Variants in COG7 observed in about 807,000 individuals in gnomAD.
COG7 encodes the protein component of oligomeric golgi complex 7.
A neutral mutation model predicts 91.5 loss-of-function variants in COG7; 49 were observed. That is an observed-to-expected ratio of 0.54 (90% confidence interval 0.43 to 0.68). COG7 has a LOEUF of 0.68. Among genes scored for constraint, COG7 ranks in the 30% least tolerant of loss-of-function variants. The pLI is 0.00. For synonymous variants in COG7, 365 were observed against 388.7 expected, an observed-to-expected ratio of 0.94 and a Z score of 0.72; for missense variants, 895 against 961.3, an observed-to-expected ratio of 0.93 and a Z score of 0.91.
chr16:23,451,747 G>T (rs909990995), intron 1 of COG7, among the ~76,000 whole-genome samples: 1 of 146,796 alleles, frequency 6.8e-6, no homozygotes, highest in Non-Finnish European at 1.5e-5. Context: ...AAAAAAAAAG[G>T]TTTAAGTCTC....
At chr16:23,408,466 G>A (rs1336232090) in intron 11 of COG7, among the ~76,000 whole-genome samples, 4 of 144,548 alleles carry the variant, frequency 2.8e-5, no homozygotes, top group Non-Finnish European at 4.6e-5. Context: ...GGGAGGTGGG[G>A]CAGGAGGTAG....
At chr16:23,445,759 CT>C in intron 2 of COG7, 53 bp downstream of exon 2, 1 of 1,591,142 alleles carries the variant, frequency 6.3e-7, no homozygotes, top group Non-Finnish European at 8.6e-7. Flanking sequence ...GAGTGACCAC[CT>C]TCCCAAAGCA....
At chr16:23,398,219 T>G in intron 13 of COG7, 90 bp from the exon 14 acceptor site, 17 of 990,828 alleles carry the variant, frequency 1.7e-5, no homozygotes, top group Non-Finnish European at 2.6e-5. Flanking sequence ...GAACATGGCC[T>G]TCCCTGGAGG....
At chr16:23,434,590 T>G in intron 5 of COG7, 46 bp downstream of exon 5, 3 of 1,349,378 alleles carry the variant, frequency 2.2e-6, no homozygotes, top group African/African-American at 1.4e-5. Flanking sequence ...CCCAGAGTTA[T>G]GAGCATTCCA....
intron 13 of COG7, among the ~76,000 whole-genome samples, chr16:23,401,080 T>G (rs1395967027): frequency 6.6e-6 from 1 of 152,164 alleles, no homozygotes. Flanking sequence ...GTCCTTCAAA[T>G]GGGCTTTTCT....
intron 1 of COG7, 49 bp downstream of exon 1, chr16:23,452,777 C>CAGCCG: frequency 6.4e-7 from 1 of 1,573,836 alleles, no homozygotes; most frequent in South Asian, 1.1e-5. Context: ...GACCTCTGCC[C>CAGCCG]AGCCGAGAGC....
At chr16:23,392,862 C>T (rs1310145513) in intron 15 of COG7, among the ~76,000 whole-genome samples, 1 of 152,046 alleles carries the variant, frequency 6.6e-6, no homozygotes, top group Non-Finnish European at 1.5e-5. Context: ...ACCCAGGAGG[C>T]GGAGGTTGTG....
rs1390805417 is a variant in COG7, at chr16:23,417,105, A to G, written c.1154T>C (p.Ile385Thr). 4 of 1,614,110 alleles carry G rather than the reference A, an allele frequency of 2.5e-6. No homozygotes were observed. The highest frequency in any genetic ancestry group is 2.2e-5 in the East Asian group (1 of 44,892). Residue 385 changes from isoleucine to threonine, a missense_variant, in exon 9 of 17, where the codon ATT (isoleucine) becomes ACT (threonine). By Grantham distance (89) the Ile-to-Thr change is moderately conservative. Coordinates refer to ENST00000307149, the MANE Select transcript of COG7 (RefSeq NM_153603.4). ...SAVPLEHGEVIDCVQELSHSV... is the reference protein window; with the variant it reads ...SAVPLEHGEVTDCVQELSHSV... ...GTGGCTCAGCTCCTGCACACAGTCA[A>G]TCACTTCCCCATGCTCCTGGTCAGC...
At chr16:23,395,808 TC>T (rs1165594054) in intron 14 of COG7, among the ~76,000 whole-genome samples, 1 of 152,224 alleles carries the variant, frequency 6.6e-6, no homozygotes, top group African/African-American at 2.4e-5. Flanking sequence ...TTGGGTTAAC[TC>T]ACTGACTTGG....
chr16:23,445,070 A>C lies in COG7; in HGVS notation c.413T>G (p.Ile138Ser), dbSNP rs750419091. The C allele has an allele frequency of 5.6e-6, 9 of 1,613,790 alleles. No individual in the cohort carries two copies. The South Asian group carries it at 9.9e-5, about 18-fold the overall frequency. The change falls in exon 3 of 17, where the codon ATT becomes AGT. Residue 138 changes from isoleucine to serine, a missense_variant. Coordinates refer to ENST00000307149, the MANE Select transcript of COG7 (RefSeq NM_153603.4). ...TACCTGAGTCTTAAATGTCTCCTCA[A>C]TATCGGCGCTCAACGTGCTCCACTT... Reference protein sequence around the residue: ...ADKWSTLSADIEETFKTQDIA... With the variant: ...ADKWSTLSADSEETFKTQDIA...
intron 6 of COG7, among the ~76,000 whole-genome samples, chr16:23,426,818 C>CAAAAAAAAAAAAAAAAA (rs1176659874): frequency 1.7e-5 from 1 of 60,274 alleles, no homozygotes; most frequent in African/African-American, 6.4e-5. Context: ...AGCAATTGGA[C>CAAAAAAAAAAAAAAAAA]AAAAAAAAAA....
At chr16:23,434,585 A>C (rs1963985171) in intron 5 of COG7, 51 bp downstream of exon 5, 2 of 1,306,144 alleles carry the variant, frequency 1.5e-6, no homozygotes, top group African/African-American at 2.9e-5. Flanking sequence ...TGTGACCCAG[A>C]GTTATGAGCA....
chr16:23,431,591 T>C (rs1373055457), intron 6 of COG7, among the ~76,000 whole-genome samples: 1 of 148,460 alleles, frequency 6.7e-6, no homozygotes, highest in Non-Finnish European at 1.5e-5. Context: ...GGGTGGTCAT[T>C]TGAGGTCAGG....
intron 7 of COG7, among the ~76,000 whole-genome samples, chr16:23,422,249 G>C (rs934218408): frequency 9.2e-5 from 14 of 151,932 alleles, no homozygotes; most frequent in Admixed American, 7.9e-4. Context: ...AAGGTTCAAG[G>C]CTACAGTAAG....
At chr16:23,438,366 C>T (rs1226656101) in intron 4 of COG7, among the ~76,000 whole-genome samples, 1 of 152,032 alleles carries the variant, frequency 6.6e-6, no homozygotes, top group Non-Finnish European at 1.5e-5. Context: ...TAAGACCAGC[C>T]TGAGCAGCAT....
In COG7 at chr16:23,401,077, A is replaced by C. The variant is rs540913526; in HGVS notation, c.1803+2617T>G. 7.9e-5 allele frequency among the ~76,000 whole-genome samples: 12 copies of C among 152,344 alleles called. No individual in the cohort carries two copies. In the East Asian group the frequency reaches 2.3e-3, roughly 29 times the overall value. On this transcript the variant is annotated intron_variant, in intron 13 of 16. Coordinates refer to ENST00000307149, the MANE Select transcript of COG7 (RefSeq NM_153603.4). ...TCAAAATTTATTTAAAGTGTCCTTC[A>C]AATGGGCTTTTCTATCCATCTGTCA...
intron 6 of COG7, among the ~76,000 whole-genome samples, chr16:23,428,823 C>CT (rs1963889736): frequency 1.3e-5 from 2 of 151,752 alleles, no homozygotes; most frequent in Admixed American, 6.6e-5. Flanking sequence ...TCCCGAGTAG[C>CT]TGGGATTACA....
At chr16:23,443,726 G>GA (rs1463092786) in intron 3 of COG7, among the ~76,000 whole-genome samples, 8 of 152,128 alleles carry the variant, frequency 5.3e-5, no homozygotes, top group Non-Finnish European at 8.8e-5. Context: ...ATTGTTGAGT[G>GA]AAAAAATAAA....
rs565552910 is a variant in COG7 at position 23,410,687 on chromosome 16, T to C, written c.1410-327A>G. Reference sequence around the variant, plus strand: ...AGAAAAACAGGGTAGAGATATTTTATATCTAAAATTTATTATTTATTTATT... The same window carrying C: ...AGAAAAACAGGGTAGAGATATTTTACATCTAAAATTTATTATTTATTTATT... On this transcript the variant is annotated intron_variant, in intron 10 of 16. Transcript: ENST00000307149. Among the ~76,000 whole-genome samples, 3 of 152,250 alleles carry C rather than the reference T, an allele frequency of 2.0e-5. No homozygotes were observed. The South Asian group carries it at 6.2e-4, about 32-fold the overall frequency.
Sources: gnomAD v4.1 joint callset for allele counts (sites outside exome capture counted in the v4.1 genomes callset) on GRCh38, gnomAD v4.1.1 for gene constraint, MANE v1.5 for transcripts, NCBI Gene and HGNC (gene_info 2026-07-23, HGNC 2026-07-21) for gene names.